Variants in SLC1A7 observed in about 807,000 individuals in gnomAD.
The protein encoded by SLC1A7 is excitatory amino acid transporter 5.
Under a neutral mutation model 47.7 loss-of-function variants are expected in SLC1A7, and 40 were observed. The ratio of observed to expected loss-of-function variants is 0.84; its 90% CI spans 0.65 to 1.09. SLC1A7 has a LOEUF of 1.09. Ranked by LOEUF, SLC1A7 falls within the 50% of genes least tolerant of loss-of-function variation. The pLI, the probability that SLC1A7 is intolerant of heterozygous loss-of-function variation, is 0.00. For missense variants in SLC1A7, 746 were observed against 769.5 expected (o/e 0.97, Z 0.36); for synonymous variants, 323 against 325.6 (o/e 0.99, Z 0.09).
rs1644742996 is a variant in SLC1A7, at chr1:53,115,026, GC to G, written c.216-54del. ...TGGTGGGGAGGCCAGGGCCTGGCTG[GC>G]ACTCAGCGCTCACTCAGCCCCTCCT... On this transcript the variant is annotated intron_variant, in intron 2 of 10. Transcript: ENST00000371494. The G allele has an allele frequency of 3.5e-6, 5 of 1,413,798 alleles. No homozygotes were observed. The Admixed American group carries it at 8.9e-5, about 25-fold the overall frequency. The allele number at this position is 1,413,798 out of a possible 1,614,324, so 87.6% of individuals were successfully genotyped here.
At chr1:53,103,161 A>G in intron 5 of SLC1A7, 185 bp downstream of exon 5, 3 of 529,336 alleles carry the variant, frequency 5.7e-6, no homozygotes, top group Non-Finnish European at 6.6e-6. Flanking sequence ...GCCAGGGGGA[A>G]GCCCCTGGGG....
chr1:53,100,715 C>T (rs549534313), intron 5 of SLC1A7, among the ~76,000 whole-genome samples: 1 of 151,824 alleles, frequency 6.6e-6, no homozygotes, highest in Non-Finnish European at 1.5e-5. Flanking sequence ...TACACTCATA[C>T]ATACCACCTC....
chr1:53,091,023 A>C (rs76990261), intron 7 of SLC1A7: 58,311 of 1,396,834 alleles, frequency 0.042, 1,339 homozygotes, highest in Middle Eastern at 0.059. Flanking sequence ...CAGATGAGGA[A>C]GCTGACGCCC....
At chr1:53,101,578 G>A (rs1468578952) in intron 5 of SLC1A7, among the ~76,000 whole-genome samples, 12 of 119,642 alleles carry the variant, frequency 1.0e-4, no homozygotes, top group Admixed American at 1.0e-3. Flanking sequence ...TGCCTACTCG[G>A]TACACTCACA....
chr1:53,133,249 G>T (rs1644958891), intron 2 of SLC1A7, among the ~76,000 whole-genome samples: 1 of 152,202 alleles, frequency 6.6e-6, no homozygotes, highest in Admixed American at 6.5e-5. Flanking sequence ...CTCAGTGAAT[G>T]ACTCCAAAGA....
intron 2 of SLC1A7, among the ~76,000 whole-genome samples, chr1:53,131,624 AC>A (rs1644942688): frequency 6.6e-6 from 1 of 152,226 alleles, no homozygotes; most frequent in South Asian, 2.1e-4. Flanking sequence ...TGTCTGCAGC[AC>A]CCAGCACAGG....
At chr1:53,108,218 T>C in intron 3 of SLC1A7, 1 of 238,054 alleles carries the variant, frequency 4.2e-6, no homozygotes, top group South Asian at 5.8e-5. Flanking sequence ...TCACACTGCC[T>C]CCACCTGGGT....
At chr1:53,090,408 G>T in intron 8 of SLC1A7, 1 of 790,464 alleles carries the variant, frequency 1.3e-6, no homozygotes, top group Non-Finnish European at 1.9e-6. Context: ...TCCTGTCCCT[G>T]GCCTCCGCTC....
At chr1:53,093,700 C>T (rs1644452458) in intron 5 of SLC1A7, 140 bp from the exon 6 acceptor site, 2 of 630,446 alleles carry the variant, frequency 3.2e-6, no homozygotes, top group Non-Finnish European at 5.6e-6. Flanking sequence ...TCCCTCTCTC[C>T]TCCTCCACTC....
chr1:53,121,078 T>G (rs1644820395), intron 2 of SLC1A7, among the ~76,000 whole-genome samples: 2 of 152,214 alleles, frequency 1.3e-5, no homozygotes, highest in African/African-American at 4.8e-5. Flanking sequence ...TGCATTTCAA[T>G]TGTTATAATT....
At chr1:53,127,859 A>G (rs1199737065) in intron 2 of SLC1A7, among the ~76,000 whole-genome samples, 1 of 152,080 alleles carries the variant, frequency 6.6e-6, no homozygotes, top group African/African-American at 2.4e-5. Context: ...ATGGAGGCGG[A>G]TTCTCCCTGG....
chr1:53,110,132 G>T (rs183111566), intron 3 of SLC1A7, among the ~76,000 whole-genome samples: 1 of 152,142 alleles, frequency 6.6e-6, no homozygotes, highest in African/African-American at 2.4e-5. Flanking sequence ...CAGAAGCTTT[G>T]GTTCATGCCC....
At position 53,115,515 on chromosome 1, in the gene SLC1A7, C is replaced by T. The variant is rs559964798; in HGVS notation, c.216-542G>A. On this transcript the variant is annotated intron_variant, in intron 2 of 10. Transcript: ENST00000371494. ...TGAGAGGAGGGATGAGTCTGACTTCCCTGTGGGTCCCGAGAGGACGGCACC... is the reference window on the plus strand; with the variant it reads ...TGAGAGGAGGGATGAGTCTGACTTCTCTGTGGGTCCCGAGAGGACGGCACC... 9 of 161,466 alleles carry T rather than the reference C, an allele frequency of 5.6e-5. No homozygotes were observed. In the South Asian group the frequency reaches 1.4e-3, roughly 26 times the overall value. 10.0% of individuals were successfully genotyped at this position (161,466 alleles called of 1,614,324 possible). A position where few individuals can be genotyped will look rare whatever the true frequency, so the allele number is the denominator to read the frequency against.
At chr1:53,136,997 G>A (rs561436066) in intron 1 of SLC1A7, among the ~76,000 whole-genome samples, 3 of 151,842 alleles carry the variant, frequency 2.0e-5, no homozygotes, top group Non-Finnish European at 4.4e-5. Flanking sequence ...AGTTAAAAGT[G>A]CTCTAATAGC....
chr1:53,111,467 C>G (rs1044171615), intron 3 of SLC1A7, among the ~76,000 whole-genome samples: 3 of 152,108 alleles, frequency 2.0e-5, no homozygotes, highest in African/African-American at 7.2e-5. Flanking sequence ...GAACAGAGGA[C>G]AGGAAGCAGA....
At chr1:53,136,560 T>TATATAATATATAAATATATATA (rs71044458) in intron 1 of SLC1A7, among the ~76,000 whole-genome samples, 1 of 80,508 alleles carries the variant, frequency 1.2e-5, no homozygotes, top group Non-Finnish European at 2.5e-5. Context: ...TATATAAACA[T>TATATAATATATAAATATATATA]ATATATAAAC....
chr1:53,095,612 A>G (rs1644477755), intron 5 of SLC1A7, among the ~76,000 whole-genome samples: 1 of 139,048 alleles, frequency 7.2e-6, no homozygotes, highest in Non-Finnish European at 1.5e-5. Context: ...TTACACACAC[A>G]CTGCCTTGGT....
rs185925413 is a variant in SLC1A7, at chr1:53,109,351, G to A, written c.432-3577C>T. On this transcript the variant is annotated intron_variant, in intron 3 of 10. Transcript: ENST00000371494. ...TCTCTGTGGTGTTTTAATAAGATTC[G>A]AAAAAAAAGAGAAGGGGCCAGACCT... is the stretch of plus-strand genomic sequence containing the variant. Among the ~76,000 whole-genome samples, 205 of 151,804 alleles carry A rather than the reference G, an allele frequency of 1.4e-3. 1 individual carries two copies. The highest frequency in any genetic ancestry group is 3.6e-3 in the African/African-American group (149 of 41,422).
chr1:53,129,534 TTGGGCC>T (rs1431278052), intron 2 of SLC1A7, among the ~76,000 whole-genome samples: 1,423 of 101,318 alleles, frequency 0.014, 5 homozygotes, highest in East Asian at 0.025. Flanking sequence ...GAGGAGGGAC[TTGGGCC>T]AGGGGCTGGG....
Sources: allele counts gnomAD v4.1 joint callset (sites outside exome capture counted in the v4.1 genomes callset), GRCh38; gene constraint gnomAD v4.1.1; transcripts MANE v1.5; gene names NCBI Gene and HGNC (gene_info 2026-07-23, HGNC 2026-07-21).